DEAF1: variants seen among roughly 807,000 people sequenced by gnomAD.
DEAF1 encodes deformed epidermal autoregulatory factor 1 homolog.
In DEAF1, 53 loss-of-function variants were observed where a neutral mutation model predicts 58.9. The ratio of observed to expected loss-of-function variants is 0.90; its 90% CI spans 0.72 to 1.13. The LOEUF (loss-of-function observed/expected upper bound fraction) is 1.13. DEAF1 is among the 50% of genes most tolerant of loss of function. The pLI, the probability that DEAF1 is intolerant of heterozygous loss-of-function variation, is 0.00. For missense variants in DEAF1, 685 were observed against 791.4 expected, an observed-to-expected ratio of 0.87 and a Z score of 1.61; for synonymous variants, 385 against 340.4, an observed-to-expected ratio of 1.13 and a Z score of -1.44.
intron 10 of DEAF1, among the ~76,000 whole-genome samples, chr11:666,684 C>T (rs1047833307): frequency 3.3e-5 from 5 of 151,232 alleles, no homozygotes; most frequent in Admixed American, 1.3e-4. Flanking sequence ...CAACCCTGGG[C>T]GACAGAGCAA....
In DEAF1 at chr11:694,894, C is replaced by A; in HGVS notation, c.154G>T (p.Ala52Ser). Residue 52 changes from alanine (A) to serine (S), a missense_variant, in exon 1 of 12, where the codon GCA (alanine) becomes TCA (serine). Transcript: ENST00000382409. ...LSRDEDSEEDADSEAERETPR... is the reference protein window; with the variant it reads ...LSRDEDSEEDSDSEAERETPR... Reference sequence around the variant, plus strand: ...GTCTCCCGCTCCGCCTCCGAGTCTGCGTCCTCCTCCGAGTCCTCGTCCCTG... The same window carrying A: ...GTCTCCCGCTCCGCCTCCGAGTCTGAGTCCTCCTCCGAGTCCTCGTCCCTG... The A allele has an allele frequency of 2.0e-6, 3 of 1,493,626 alleles. No homozygotes were observed. Among genetic ancestry groups the A allele is most frequent in the South Asian group, 2.5e-5 (2 of 79,722 alleles). The allele number at this position is 1,493,626 out of a possible 1,614,324, so 92.5% of individuals were successfully genotyped here.
intron 1 of DEAF1, among the ~76,000 whole-genome samples, chr11:701,669 A>G (rs1196796162): frequency 6.6e-6 from 1 of 151,972 alleles, no homozygotes; most frequent in African/African-American, 2.4e-5. Flanking sequence ...TCGGCCTCCC[A>G]AAGTGCTGGG....
At chr11:669,913 G>A (rs1266350099) in intron 10 of DEAF1, among the ~76,000 whole-genome samples, 3 of 122,770 alleles carry the variant, frequency 2.4e-5, no homozygotes, top group African/African-American at 9.5e-5. Context: ...CTGGGTGACA[G>A]TGTGAGACTG....
chr11:649,420 TA>T (rs1165672375), intron 11 of DEAF1, among the ~76,000 whole-genome samples: 66 of 117,692 alleles, frequency 5.6e-4, no homozygotes, highest in African/African-American at 4.0e-4. Context: ...AGACCCCACT[TA>T]AAAAAAAAAA....
At position 690,331 on chromosome 11, in the gene DEAF1, GAGGGGAGGGC is replaced by G. The variant is rs1564952376; in HGVS notation, c.387+1160_387+1169del. Among the ~76,000 whole-genome samples, 7 of 3,106 alleles carry G rather than the reference GAGGGGAGGGC, an allele frequency of 2.3e-3. 1 individual carries two copies. The highest frequency in any genetic ancestry group is 8.4e-3 in the Non-Finnish European group (5 of 592). The allele number at this position is 3,106 out of a possible 152,430, so 2.0% of individuals were successfully genotyped here. A position where few individuals can be genotyped will look rare whatever the true frequency, so the allele number is the denominator to read the frequency against. ...GAGGAGAGGGCAGGGGAGGGCAGGG[GAGGGGAGGGC>G]AGGGGAGGGGAGGGCAGGGGAGGGG... On this transcript the variant is annotated intron_variant, in intron 2 of 11. Coordinates refer to ENST00000382409, the MANE Select transcript of DEAF1 (RefSeq NM_021008.4).
chr11:698,861 T>C (rs1408013254), upstream of DEAF1: 2 of 1,614,104 alleles, frequency 1.2e-6, no homozygotes, highest in South Asian at 2.2e-5. Context: ...GGCCCCTTTC[T>C]CTTTCAGGGA....
exon 1 of DEAF1, chr11:706,710 C>G (rs1396538312): frequency 6.6e-6 from 1 of 152,260 alleles, no homozygotes; most frequent in African/African-American, 2.4e-5. Flanking sequence ...GGAGGTAGCA[C>G]TGCACACCCA....
Position 644,607 on chromosome 11 carries a change from G to T in DEAF1, c.1641C>A (p.Thr547=), listed in dbSNP as rs200505316. ...QHICGQSAAV[T]VQADEVHVAE... is the part of the protein sequence containing the mutation. ...CCACGTGGACTTCGTCTGCCTGGACGGTGACAGCTGCTGACTGGCCGCATA... is the reference window on the plus strand; with the variant it reads ...CCACGTGGACTTCGTCTGCCTGGACTGTGACAGCTGCTGACTGGCCGCATA... The change falls in exon 12 of 12, where the codon ACC becomes ACA. Residue 547 remains threonine, a synonymous_variant. Coordinates refer to ENST00000382409, the MANE Select transcript of DEAF1 (RefSeq NM_021008.4). The surrounding 1 kb of genome is among the most constrained non-coding windows in gnomAD (Gnocchi z 4.3). 4.2e-5 allele frequency: 68 copies of T among 1,612,932 alleles called. No homozygotes were observed. Among genetic ancestry groups the T allele is most frequent in the Non-Finnish European group, 5.3e-5 (63 of 1,179,944 alleles).
chr11:654,168 T>TC (rs1858935201), intron 10 of DEAF1, 117 bp from the exon 11 acceptor site: 1 of 451,082 alleles, frequency 2.2e-6, no homozygotes, highest in Non-Finnish European at 3.8e-6. Context: ...GGACCCCCTT[T>TC]TTTTTTTTTT....
At chr11:656,820 G>C (rs543304909) in intron 10 of DEAF1, among the ~76,000 whole-genome samples, 11 of 152,194 alleles carry the variant, frequency 7.2e-5, no homozygotes, top group Non-Finnish European at 1.2e-4. Context: ...GCCTCAGCTG[G>C]GACTTTCAAC....
intron 11 of DEAF1, among the ~76,000 whole-genome samples, chr11:650,885 A>C (rs1422357726): frequency 6.6e-6 from 1 of 152,154 alleles, no homozygotes; most frequent in Non-Finnish European, 1.5e-5. Context: ...TGGGTGACAG[A>C]GTGAGACTCT....
At chr11:673,846 T>A (rs1859937637) in intron 10 of DEAF1, among the ~76,000 whole-genome samples, 1 of 152,180 alleles carries the variant, frequency 6.6e-6, no homozygotes, top group African/African-American at 2.4e-5. Context: ...TTACTCTGGC[T>A]CTAGTAATTT....
intron 10 of DEAF1, chr11:654,665 A>G (rs1858960745): frequency 4.4e-6 from 2 of 454,998 alleles, no homozygotes; most frequent in Non-Finnish European, 8.8e-6. Context: ...ACCTGAGGTC[A>G]GGAGTTCAGC....
At chr11:667,575 G>A (rs938625600) in intron 10 of DEAF1, among the ~76,000 whole-genome samples, 2 of 152,074 alleles carry the variant, frequency 1.3e-5, no homozygotes, top group African/African-American at 4.8e-5. Flanking sequence ...GCCGAGGCAG[G>A]TGAATCACCT....
Position 654,469 on chromosome 11 carries a change from T to C in DEAF1, c.1504-418A>G, listed in dbSNP as rs561704477. ...CGTGAGCCACTGCGCCCAGCTCCCA[T>C]TGGACTCTTGACTGCGCCTCTGCCC... On this transcript the variant is annotated intron_variant, in intron 10 of 11. Coordinates refer to ENST00000382409, the MANE Select transcript of DEAF1 (RefSeq NM_021008.4). The C allele has an allele frequency of 4.3e-4, 196 of 453,198 alleles. 5 individuals carry two copies. The highest frequency in any genetic ancestry group is 1.9e-3 in the South Asian group (119 of 64,274). 28.1% of individuals were successfully genotyped at this position (453,198 alleles called of 1,614,324 possible). A position where few individuals can be genotyped will look rare whatever the true frequency, so the allele number is the denominator to read the frequency against.
At chr11:671,150 G>A (rs900562047) in intron 10 of DEAF1, among the ~76,000 whole-genome samples, 10 of 150,412 alleles carry the variant, frequency 6.6e-5, no homozygotes, top group African/African-American at 2.5e-4. Context: ...GGATGGTCTC[G>A]ATCTCCTGAC....
intron 10 of DEAF1, among the ~76,000 whole-genome samples, chr11:663,884 G>A (rs1859420536): frequency 6.6e-6 from 1 of 152,196 alleles, no homozygotes; most frequent in Non-Finnish European, 1.5e-5. Context: ...ATGGCTTCCT[G>A]AAGCTATATG....
intron 10 of DEAF1, among the ~76,000 whole-genome samples, chr11:671,040 T>C (rs568378667): frequency 1.3e-5 from 2 of 150,198 alleles, no homozygotes; most frequent in Admixed American, 1.3e-4. Context: ...GCCATTCTCC[T>C]GCCTCAGCCT....
intron 1 of DEAF1, among the ~76,000 whole-genome samples, chr11:701,322 G>A (rs1000550716): frequency 6.6e-6 from 1 of 151,804 alleles, no homozygotes; most frequent in Non-Finnish European, 1.5e-5. Context: ...CCAAGTAGCT[G>A]GGATTACAGG....
Sources: gnomAD v4.1 joint callset for allele counts (sites outside exome capture counted in the v4.1 genomes callset) on GRCh38, gnomAD v4.1.1 for gene constraint, Gnocchi (gnomAD v3.1) non-coding constraint, MANE v1.5 for transcripts, NCBI Gene and HGNC (gene_info 2026-07-23, HGNC 2026-07-21) for gene names.